IQCE: variants seen among roughly 807,000 people sequenced by gnomAD.
IQCE encodes IQ motif containing E.
Under a neutral mutation model 96.0 loss-of-function variants are expected in IQCE, and 115 were observed. The observed-to-expected ratio is 1.20, with a 90% CI of 1.03 to 1.40. IQCE has a LOEUF of 1.40. Among genes scored for constraint, IQCE ranks in the 40% most tolerant of loss-of-function variants. The pLI, the probability that IQCE is intolerant of heterozygous loss-of-function variation, is 0.00. For synonymous variants in IQCE, 412 were observed against 371.2 expected (o/e 1.11, Z -1.26); for missense variants, 1,041 against 909.1 (o/e 1.15, Z -1.87).
intron 2 of IQCE, among the ~76,000 whole-genome samples, 173 bp from the exon 3 acceptor site, chr7:2,568,781 G>A (rs564644196): frequency 6.6e-6 from 1 of 152,244 alleles, no homozygotes; most frequent in East Asian, 1.9e-4. Flanking sequence ...CATTTTTGTG[G>A]GGTCTGCATC....
At chr7:2,590,229 C>T in intron 14 of IQCE, 123 bp downstream of exon 14, 2 of 875,662 alleles carry the variant, frequency 2.3e-6, no homozygotes, top group Non-Finnish European at 3.5e-6. Flanking sequence ...GTAGGTCCTC[C>T]CCAGGCCCCG....
rs765006433 is a variant in IQCE, at chr7:2,604,912, GACATC to G, written c.1665_1669del (p.Leu557AlafsTer68). Reference sequence around the variant, plus strand: ...GTGGTGCTTCAGGCAGCTTTCAGGGGACATCTCACGCGGACAAAGCTCTTAGCAAG... The same window carrying G: ...GTGGTGCTTCAGGCAGCTTTCAGGGGTCACGCGGACAAAGCTCTTAGCAAG... On this transcript the variant is annotated frameshift_variant, in exon 19 of 22. Coordinates refer to ENST00000402050, the MANE Select transcript of IQCE (RefSeq NM_152558.5). LOFTEE classifies it high-confidence loss of function. 4.3e-6 allele frequency: 7 copies of G among 1,613,616 alleles called. No homozygotes were observed. The highest frequency in any genetic ancestry group is 1.3e-5 in the African/African-American group (1 of 74,928).
chr7:2,591,468 A>G (rs1009630834), intron 14 of IQCE, among the ~76,000 whole-genome samples: 1 of 151,904 alleles, frequency 6.6e-6, no homozygotes, highest in African/African-American at 2.4e-5. Context: ...GTTTCTCTCT[A>G]GTTTGCAAGA....
intron 6 of IQCE, among the ~76,000 whole-genome samples, chr7:2,573,905 G>A (rs1781937802): frequency 6.6e-6 from 1 of 152,156 alleles, no homozygotes; most frequent in Admixed American, 6.5e-5. Context: ...GAAGCTCTGT[G>A]GGACGGGCAG....
At chr7:2,581,779 G>T (rs900957370) in intron 8 of IQCE, among the ~76,000 whole-genome samples, 1 of 149,066 alleles carries the variant, frequency 6.7e-6, no homozygotes, top group Non-Finnish European at 1.5e-5. Flanking sequence ...GCGCAATCTC[G>T]GCTCACTGCA....
In IQCE at chr7:2,582,554, G is replaced by A. The variant is rs776827618; in HGVS notation, c.631-26G>A. The A allele has an allele frequency of 1.9e-6, 3 of 1,610,520 alleles. No homozygotes were observed. The African/African-American group carries it at 4.0e-5, about 22-fold the overall frequency. Reference sequence around the variant, plus strand: ...TACTGAGGGAGAGAGGGCGTGGCCTGCCTGATGGGCACGTTCCCCGGGCAG... The same window carrying A: ...TACTGAGGGAGAGAGGGCGTGGCCTACCTGATGGGCACGTTCCCCGGGCAG... On this transcript the variant is annotated intron_variant, in intron 8 of 21. Transcript: ENST00000402050.
chr7:2,582,829 C>G (rs1782782316), intron 9 of IQCE, among the ~76,000 whole-genome samples, 179 bp downstream of exon 9: 1 of 152,140 alleles, frequency 6.6e-6, no homozygotes, highest in Non-Finnish European at 1.5e-5. Flanking sequence ...CAGATAATTC[C>G]CTTTAACTTC....
intron 10 of IQCE, 24 bp from the exon 11 acceptor site, chr7:2,584,212 T>G: frequency 6.2e-7 from 1 of 1,607,636 alleles, no homozygotes; most frequent in Non-Finnish European, 8.5e-7. Context: ...TGTGTTTTCA[T>G]GCATTTCAAT....
intron 17 of IQCE, among the ~76,000 whole-genome samples, chr7:2,600,524 T>A (rs540393931): frequency 1.3e-5 from 2 of 152,328 alleles, no homozygotes; most frequent in African/African-American, 4.8e-5. Context: ...AAAAGCAGTT[T>A]CCTTATTAGC....
At chr7:2,581,830 C>T (rs1782689372) in intron 8 of IQCE, among the ~76,000 whole-genome samples, 2 of 152,086 alleles carry the variant, frequency 1.3e-5, no homozygotes, top group South Asian at 2.1e-4. Context: ...CTGCCTCAGC[C>T]TCCCGAGTAG....
intron 15 of IQCE, among the ~76,000 whole-genome samples, chr7:2,593,666 A>G (rs1271443613): frequency 1.3e-5 from 2 of 152,252 alleles, no homozygotes; most frequent in Admixed American, 6.5e-5. Flanking sequence ...TTCCTTGCGC[A>G]GGAAATGTCC....
intron 16 of IQCE, chr7:2,598,257 T>A (rs1784193981): frequency 2.1e-6 from 1 of 483,046 alleles, no homozygotes; most frequent in Non-Finnish European, 3.7e-6. Context: ...TGCACTTGTG[T>A]GCTCGCCTAG....
intron 1 of IQCE, among the ~76,000 whole-genome samples, chr7:2,561,203 C>T (rs1188226737): frequency 6.6e-6 from 1 of 152,068 alleles, no homozygotes; most frequent in East Asian, 1.9e-4. Flanking sequence ...GGTTATCTAC[C>T]TGCCTTGGCC....
rs545569652 is a variant in IQCE at position 2,611,738 on chromosome 7, C to G, written c.*1576C>G. On this transcript the variant is annotated 3_prime_UTR_variant, in exon 22 of 22. Coordinates refer to ENST00000402050, the MANE Select transcript of IQCE (RefSeq NM_152558.5). ...CTGCGGTTCGAAGCCTGGCCCCTGTCTCCACTTAGCTTCTGTTTCTGCAGT... is the reference window on the plus strand; with the variant it reads ...CTGCGGTTCGAAGCCTGGCCCCTGTGTCCACTTAGCTTCTGTTTCTGCAGT... 1.3e-5 allele frequency: 2 copies of G among 152,390 alleles called. No individual in the cohort carries two copies. Among genetic ancestry groups the G allele is most frequent in the South Asian group, 2.1e-4 (1 of 4,830 alleles). The allele number at this position is 152,390 out of a possible 1,614,324, so 9.4% of individuals were successfully genotyped here.
In IQCE at chr7:2,586,188, C is replaced by A; in HGVS notation, c.825-20C>A. The A allele has an allele frequency of 6.2e-7, 1 of 1,607,160 alleles. No homozygotes were observed. The highest frequency in any genetic ancestry group is 8.5e-7 in the Non-Finnish European group (1 of 1,177,142). The stretch of plus-strand genomic sequence containing the variant: ...CCAGCTTAGCAATGCAAACCTCAGT[C>A]CACGATTTGGTTGTTCCAGGCCCCT... On this transcript the variant is annotated intron_variant, in intron 11 of 21. Coordinates refer to ENST00000402050, the MANE Select transcript of IQCE (RefSeq NM_152558.5).
In IQCE at chr7:2,593,009, T is replaced by C. The variant is rs200736524; in HGVS notation, c.1245-13T>C. The C allele has an allele frequency of 1.1e-5, 17 of 1,589,804 alleles. 1 individual carries two copies. The African/African-American group carries it at 1.3e-4, about 13-fold the overall frequency. ...TTTGTGAACGCTGACGAGTCTCCTA[T>C]TCTTGTGTGCAGTTTGGAGGTGAAG... On this transcript the variant is annotated splice_polypyrimidine_tract_variant and intron_variant, in intron 14 of 21. Transcript: ENST00000402050.
intron 5 of IQCE, 49 bp from the exon 6 acceptor site, chr7:2,573,365 ATTCT>A (rs772259078): frequency 1.0e-5 from 9 of 867,504 alleles, no homozygotes; most frequent in Non-Finnish European, 1.5e-5. Flanking sequence ...ATAGCCAAGA[ATTCT>A]TTCTACTTTG....
At chr7:2,583,550 T>C in intron 9 of IQCE, 87 bp from the exon 10 acceptor site, 1 of 1,006,062 alleles carries the variant, frequency 9.9e-7, no homozygotes, top group Non-Finnish European at 1.5e-6. Flanking sequence ...GCCTCTCCTC[T>C]TCTGAACGTT....
chr7:2,593,174 TCCTGCTACCACTGCGGCC>T (rs773392970), intron 15 of IQCE, 48 bp downstream of exon 15: 3 of 1,554,326 alleles, frequency 1.9e-6, no homozygotes, highest in Non-Finnish European at 2.6e-6. Flanking sequence ...GAGTCCGCAC[TCCTGCTACCACTGCGGCC>T]CCCCGTGGCG....
Sources: gnomAD v4.1 joint callset for allele counts (sites outside exome capture counted in the v4.1 genomes callset) on GRCh38, gnomAD v4.1.1 for gene constraint, MANE v1.5 for transcripts, NCBI Gene and HGNC (gene_info 2026-07-23, HGNC 2026-07-21) for gene names.